The following GPHN variants were observed in gnomAD, a reference collection of about 807,000 sequenced individuals.
GPHN encodes gephyrin.
GPHN carries 17 observed loss-of-function variants against 95.5 expected under a neutral mutation model. That is an observed-to-expected ratio of 0.18 (90% CI 0.12 to 0.27). The LOEUF (loss-of-function observed/expected upper bound fraction) is 0.27. Among genes scored for constraint, GPHN ranks in the 10% least tolerant of loss-of-function variants. The pLI, the probability that GPHN is intolerant of heterozygous loss-of-function variation, is 1.00. For synonymous variants in GPHN, 320 were observed against 322.5 expected, an observed-to-expected ratio of 0.99 and a Z score of 0.08; for missense variants, 660 against 978.1, an observed-to-expected ratio of 0.67 and a Z score of 4.34.
rs1209264641 is a variant in GPHN, at chr14:67,181,002, C to G, written c.*65C>G. ...ATCATTGACTGTATCCTGTAATATG[C>G]AACGGCACAGCTAGTTTTCCCGATT... is the stretch of plus-strand genomic sequence containing the variant. On this transcript the variant is annotated 3_prime_UTR_variant, in exon 23 of 23. Transcript: ENST00000478722. 2.0e-6 allele frequency: 3 copies of G among 1,493,216 alleles called. No individual in the cohort carries two copies. The highest frequency in any genetic ancestry group is 3.4e-5 in the Admixed American group (2 of 59,458). 92.5% of individuals were successfully genotyped at this position (1,493,216 alleles called of 1,614,324 possible). A position where few individuals can be genotyped will look rare whatever the true frequency, so the allele number is the denominator to read the frequency against.
At chr14:67,465,024 G>T in the GPHN span, among the ~76,000 whole-genome samples, 2 of 152,226 alleles carry the variant, frequency 1.3e-5, no homozygotes, top group Admixed American at 6.5e-5. Flanking sequence ...AATCTGTCTT[G>T]CTCCCTGCTG....
chr14:67,062,302 G>A (rs1039920150), intron 11 of GPHN, among the ~76,000 whole-genome samples: 5 of 152,140 alleles, frequency 3.3e-5, no homozygotes, highest in Admixed American at 6.5e-5. Context: ...ATTAATCACT[G>A]AGTAGGAAAA....
chr14:67,279,664 C>T, the GPHN span: 4 of 949,712 alleles, frequency 4.2e-6, no homozygotes, highest in Non-Finnish European at 3.0e-6. Flanking sequence ...AGACCAAGAT[C>T]CTTTGTTTTC....
chr14:67,710,087 A>T, the GPHN span, among the ~76,000 whole-genome samples: 3 of 152,084 alleles, frequency 2.0e-5, no homozygotes, highest in African/African-American at 7.2e-5. Context: ...AAGTTGTTCC[A>T]CCTTTCCAGA....
the GPHN span, among the ~76,000 whole-genome samples, chr14:67,407,783 G>T: frequency 0.012 from 1,825 of 152,206 alleles, 18 homozygotes; most frequent in Non-Finnish European, 0.018. Context: ...GCACAGAAAG[G>T]TCTTGCCCAA....
chr14:67,397,105 G>A, the GPHN span, among the ~76,000 whole-genome samples: 26,619 of 151,674 alleles, frequency 0.18, 4,005 homozygotes, highest in East Asian at 0.49. Context: ...CGCTCAGCTA[G>A]TTTTTGTATT....
chr14:67,089,218 C>A, intron 12 of GPHN, 143 bp downstream of exon 12: 1 of 555,034 alleles, frequency 1.8e-6, no homozygotes, highest in South Asian at 2.2e-5. Flanking sequence ...CCATGACTGT[C>A]AAAATAACTT....
At chr14:67,258,280 A>G in the GPHN span, among the ~76,000 whole-genome samples, 2 of 152,092 alleles carry the variant, frequency 1.3e-5, no homozygotes, top group East Asian at 3.9e-4. Context: ...CACTCCTGTA[A>G]TTCTAGCACT....
the GPHN span, among the ~76,000 whole-genome samples, chr14:67,251,422 A>T: frequency 6.6e-6 from 1 of 152,076 alleles, no homozygotes; most frequent in Non-Finnish European, 1.5e-5. Context: ...GGTCCCAGCT[A>T]CTCAGGAGGC....
the GPHN span, chr14:67,388,443 T>C: frequency 3.0e-6 from 2 of 656,862 alleles, no homozygotes; most frequent in South Asian, 3.5e-5. Flanking sequence ...GGACATCACA[T>C]GGCCAAAGCT....
chr14:66,667,667 A>C (rs745495955), intron 1 of GPHN, among the ~76,000 whole-genome samples: 3 of 152,216 alleles, frequency 2.0e-5, no homozygotes, highest in Non-Finnish European at 4.4e-5. Flanking sequence ...TGGATTAAAG[A>C]CTTAAGTGTA....
chr14:67,388,363 T>TC, the GPHN span: 1 of 992,928 alleles, frequency 1.0e-6, no homozygotes. Flanking sequence ...AGAGTTGCAC[T>TC]CCCCTTACAA....
In GPHN at chr14:66,748,245, T is replaced by G. The variant is rs2058232251; in HGVS notation, c.144-28219T>G. Among the ~76,000 whole-genome samples, 3 of 152,210 alleles carry G rather than the reference T, an allele frequency of 2.0e-5. No individual in the cohort carries two copies. The South Asian group carries it at 6.2e-4, about 32-fold the overall frequency. On this transcript the variant is annotated intron_variant, in intron 2 of 22. Transcript: ENST00000478722. The stretch of plus-strand genomic sequence containing the variant: ...TTTACTATAGTACTTATTAATAAAC[T>G]CATTTTTAAATTTAAATTGCAAAAG...
chr14:66,961,120 G>T (rs1410735573), intron 8 of GPHN, among the ~76,000 whole-genome samples: 1 of 152,024 alleles, frequency 6.6e-6, no homozygotes, highest in African/African-American at 2.4e-5. Context: ...TCAGAATAAG[G>T]TTTGTTTTCC....
intron 1 of GPHN, among the ~76,000 whole-genome samples, chr14:66,546,871 C>T (rs770200980): frequency 1.3e-5 from 2 of 152,130 alleles, no homozygotes; most frequent in Non-Finnish European, 2.9e-5. Context: ...GAATGCAAGC[C>T]TTTCAAGATT....
At chr14:67,722,190 C>A in the GPHN span, among the ~76,000 whole-genome samples, 1 of 152,140 alleles carries the variant, frequency 6.6e-6, no homozygotes, top group African/African-American at 2.4e-5. Flanking sequence ...CCTTCCCATC[C>A]TATTTTAATC....
chr14:67,284,564 A>C, the GPHN span, among the ~76,000 whole-genome samples: 1 of 139,050 alleles, frequency 7.2e-6, no homozygotes, highest in African/African-American at 2.7e-5. Flanking sequence ...AAAAAAAAAA[A>C]AAAAAAAAAA....
intron 1 of GPHN, among the ~76,000 whole-genome samples, chr14:66,517,065 T>C (rs2058275797): frequency 1.4e-5 from 2 of 143,430 alleles, no homozygotes; most frequent in South Asian, 2.2e-4. Flanking sequence ...GAGGCAGAGA[T>C]TGTAGTGAGC....
the GPHN span, among the ~76,000 whole-genome samples, chr14:67,326,153 C>T: frequency 4.1e-5 from 6 of 145,520 alleles, no homozygotes; most frequent in African/African-American, 1.0e-4. Context: ...GGTCTCTGGC[C>T]GTGTTCTAAT....
Sources: gnomAD v4.1 joint callset for allele counts (sites outside exome capture counted in the v4.1 genomes callset) on GRCh38, gnomAD v4.1.1 for gene constraint, MANE v1.5 for transcripts, NCBI Gene and HGNC (gene_info 2026-07-23, HGNC 2026-07-21) for gene names.